TTC28: variants seen among roughly 807,000 people sequenced by gnomAD.
The protein encoded by TTC28 is tetratricopeptide repeat protein 28.
TTC28 carries 61 observed loss-of-function variants against 198.0 expected under a neutral mutation model. That is an observed-to-expected ratio of 0.31 (90% CI 0.25 to 0.38). The LOEUF is 0.38. Ranked by LOEUF, TTC28 falls within the 10% of genes least tolerant of loss-of-function variation. The pLI is 1.00. For missense variants in TTC28, 2,678 were observed against 3,164.0 expected, an observed-to-expected ratio of 0.85 and a Z score of 3.69; for synonymous variants, 1,171 against 1,297.8, an observed-to-expected ratio of 0.90 and a Z score of 2.10.
intron 2 of TTC28, among the ~76,000 whole-genome samples, chr22:28,521,739 C>T (rs1421097755): frequency 6.6e-6 from 1 of 152,218 alleles, no homozygotes; most frequent in Admixed American, 6.5e-5. Context: ...GCCTGACATA[C>T]AGCCAGCTTT....
intron 12 of TTC28, among the ~76,000 whole-genome samples, chr22:28,041,021 A>G (rs185433850): frequency 6.6e-6 from 1 of 152,320 alleles, no homozygotes; most frequent in African/African-American, 2.4e-5. Flanking sequence ...AATCCAACCT[A>G]CAAGGGATGT....
intron 5 of TTC28, among the ~76,000 whole-genome samples, chr22:28,198,080 C>T (rs1319900997): frequency 1.3e-5 from 2 of 152,092 alleles, no homozygotes; most frequent in African/African-American, 4.8e-5. Context: ...TTCTGACAAA[C>T]TCGTCAGAAC....
At chr22:28,049,417 T>C (rs1190313298) in intron 12 of TTC28, among the ~76,000 whole-genome samples, 1 of 152,218 alleles carries the variant, frequency 6.6e-6, no homozygotes, top group Non-Finnish European at 1.5e-5. Context: ...AACCTTAAAC[T>C]TTCTTCCTGT....
chr22:28,456,865 C>A (rs144423637), intron 2 of TTC28, among the ~76,000 whole-genome samples: 2,415 of 152,248 alleles, frequency 0.016, 85 homozygotes, highest in African/African-American at 0.056. Context: ...TGTGCCACCG[C>A]ACCCGGCCCA....
At chr22:28,371,629 C>G (rs2046338745) in intron 2 of TTC28, among the ~76,000 whole-genome samples, 1 of 28,166 alleles carries the variant, frequency 3.6e-5, no homozygotes, top group Admixed American at 5.8e-4. Flanking sequence ...GAGTCTCACT[C>G]TGTCACCCAG....
intron 2 of TTC28, among the ~76,000 whole-genome samples, chr22:28,434,071 T>A (rs1206924120): frequency 6.6e-6 from 1 of 152,126 alleles, no homozygotes; most frequent in African/African-American, 2.4e-5. Context: ...GGTTTCTTAG[T>A]TTAATAAGTA....
chr22:28,173,623 G>A (rs1922891416), intron 5 of TTC28, among the ~76,000 whole-genome samples: 1 of 152,194 alleles, frequency 6.6e-6, no homozygotes, highest in African/African-American at 2.4e-5. Context: ...CTCTTGCTCT[G>A]TGACCTGAAT....
intron 2 of TTC28, among the ~76,000 whole-genome samples, chr22:28,456,536 A>G (rs917750851): frequency 2.0e-5 from 3 of 152,218 alleles, no homozygotes; most frequent in African/African-American, 7.2e-5. Context: ...CCCCCAAAAA[A>G]GGTTAATGTA....
chr22:28,001,426 C>T lies in TTC28; in HGVS notation c.4346G>A (p.Arg1449His), dbSNP rs1488662011. ...GGAAGGGACAGCAAGGAGGCCGAAG[C>T]GCTCGTAGAGGTACTCATTGGAGGA... ...GSSSNEYLYE[R>H]FGLLAVPSIR... The change falls in exon 15 of 23, where the codon CGC becomes CAC. Residue 1449 changes from arginine to histidine, a missense_variant. Coordinates refer to ENST00000397906, the MANE Select transcript of TTC28 (RefSeq NM_001145418.2). The T allele has an allele frequency of 7.1e-6, 11 of 1,551,516 alleles. No individual in the cohort carries two copies. Among genetic ancestry groups the T allele is most frequent in the South Asian group, 1.2e-5 (1 of 84,062 alleles).
intron 2 of TTC28, among the ~76,000 whole-genome samples, chr22:28,624,339 C>G (rs2051045164): frequency 6.6e-6 from 1 of 151,696 alleles, no homozygotes; most frequent in Non-Finnish European, 1.5e-5. Flanking sequence ...CATCACACCA[C>G]TGCACTCCAG....
chr22:28,579,458 C>T (rs940388481), intron 2 of TTC28, among the ~76,000 whole-genome samples: 2 of 147,932 alleles, frequency 1.4e-5, no homozygotes, highest in Non-Finnish European at 3.0e-5. Flanking sequence ...TAACTATATA[C>T]ATAGCTACAT....
intron 5 of TTC28, among the ~76,000 whole-genome samples, chr22:28,276,218 G>A (rs1420628404): frequency 2.6e-5 from 4 of 151,864 alleles, no homozygotes; most frequent in Non-Finnish European, 5.9e-5. Context: ...TCGCCATGTT[G>A]CCCAGGCTGC....
At position 28,012,320 on chromosome 22, in the gene TTC28, A is replaced by G. The variant is rs543588760; in HGVS notation, c.4218+1928T>C. On this transcript the variant is annotated intron_variant, in intron 14 of 22. Coordinates refer to ENST00000397906, the MANE Select transcript of TTC28 (RefSeq NM_001145418.2). ...GGGTCATAATCCTAAGAAGGGAAGG[A>G]CAACCGAGCACGTGCAAGGACTGCA... Among the ~76,000 whole-genome samples, 7 of 152,312 alleles carry G rather than the reference A, an allele frequency of 4.6e-5. No individual in the cohort carries two copies. In the East Asian group the frequency reaches 1.2e-3, roughly 25 times the overall value.
intron 2 of TTC28, among the ~76,000 whole-genome samples, chr22:28,504,453 TAC>T (rs1272050544): frequency 1.3e-5 from 2 of 152,136 alleles, no homozygotes; most frequent in Non-Finnish European, 2.9e-5. Context: ...TGTGTATATG[TAC>T]ACACACACCT....
At chr22:28,206,319 T>G (rs1218769272) in intron 5 of TTC28, among the ~76,000 whole-genome samples, 2 of 152,164 alleles carry the variant, frequency 1.3e-5, no homozygotes, top group Non-Finnish European at 2.9e-5. Flanking sequence ...ATTCATTCAC[T>G]ATGGGCTCTG....
chr22:28,154,361 T>C (rs1211430796), intron 6 of TTC28, among the ~76,000 whole-genome samples: 2 of 150,480 alleles, frequency 1.3e-5, no homozygotes, highest in South Asian at 2.1e-4. Flanking sequence ...TTTTTCTTTT[T>C]TTTTTTTTGA....
In TTC28 at chr22:27,983,358, G is replaced by T. The variant is rs1167635519; in HGVS notation, c.6309C>A (p.Ile2103=). The T allele has an allele frequency of 6.4e-7, 1 of 1,551,622 alleles. No individual in the cohort carries two copies. The highest frequency in any genetic ancestry group is 2.0e-5 in the Admixed American group (1 of 51,002). ...MRVSVSSKGS[I]STPNSPVKMT... is the part of the protein sequence containing the mutation. Reference sequence around the variant, plus strand: ...TTTTCACTGGAGAATTTGGAGTGCTGATGCTCCCTTTGGAGCTCACCGAGA... The same window carrying T: ...TTTTCACTGGAGAATTTGGAGTGCTTATGCTCCCTTTGGAGCTCACCGAGA... Residue 2103 remains isoleucine (I), a synonymous_variant, in exon 23 of 23, where the codon ATC becomes ATA. Transcript: ENST00000397906.
intron 12 of TTC28, among the ~76,000 whole-genome samples, chr22:28,069,973 C>A (rs1163896353): frequency 1.3e-5 from 2 of 149,194 alleles, no homozygotes; most frequent in Admixed American, 1.3e-4. Context: ...CACACAAATG[C>A]CCCTTGTTCT....
chr22:28,651,747 A>C (rs1424099528), intron 1 of TTC28, among the ~76,000 whole-genome samples: 2 of 151,846 alleles, frequency 1.3e-5, no homozygotes, highest in African/African-American at 4.8e-5. Flanking sequence ...AACATAAAAA[A>C]GTTTTTCTGA....
Sources: gnomAD v4.1 joint callset for allele counts (sites outside exome capture counted in the v4.1 genomes callset) on GRCh38, gnomAD v4.1.1 for gene constraint, MANE v1.5 for transcripts, NCBI Gene and HGNC (gene_info 2026-07-23, HGNC 2026-07-21) for gene names.